Variants in TLN2 observed in about 807,000 individuals in gnomAD.
The protein encoded by TLN2 is talin-2.
In TLN2, 118 loss-of-function variants were observed where a neutral mutation model predicts 294.7. The observed-to-expected ratio is 0.40, with a 90% CI of 0.34 to 0.47. TLN2 has a LOEUF of 0.47. TLN2 is among the 20% of genes least tolerant of loss of function. The probability of loss-of-function intolerance (pLI) is 0.84; values close to 1 mark genes in which losing one functional copy is unlikely to be tolerated. For synonymous variants in TLN2, 1,431 were observed against 1,304.5 expected (o/e 1.10, Z -2.09); for missense variants, 3,083 against 3,282.2 (o/e 0.94, Z 1.48).
Position 62,755,542 on chromosome 15 carries a change from C to T in TLN2, c.4487C>T (p.Ala1496Val), listed in dbSNP as rs778436778. Residue 1496 changes from alanine (A) to valine (V), a missense_variant, in exon 37 of 59, where the codon GCC (alanine) becomes GTC (valine). By Grantham distance (64) the Ala-to-Val change is moderately conservative (BLOSUM62 0). Transcript: ENST00000636159. ...CTCCATGCTTTGTAGGTCCTGTCAG[C>T]CGCCACAATTGTTGCCAAGCACACG... ...PGSSPSQVLS[A>V]ATIVAKHTSA... 1 of 1,614,124 alleles carries T rather than the reference C, an allele frequency of 6.2e-7. No individual in the cohort carries two copies. Among genetic ancestry groups the T allele is most frequent in the Admixed American group, 1.7e-5 (1 of 60,032 alleles).
At chr15:62,831,468 ACAT>A (rs2068837214) in intron 54 of TLN2, 1 of 151,684 alleles carries the variant, frequency 6.6e-6, no homozygotes, top group African/African-American at 2.4e-5. Context: ...ATTAAAATAT[ACAT>A]TATTTATATA....
At chr15:62,698,904 G>T in intron 16 of TLN2, 37 bp downstream of exon 16, 1 of 1,584,004 alleles carries the variant, frequency 6.3e-7, no homozygotes, top group Non-Finnish European at 8.6e-7. Context: ...CCAAGTCTCT[G>T]CCCTGGCAGA....
intron 3 of TLN2, among the ~76,000 whole-genome samples, chr15:62,634,657 T>G (rs1015113525): frequency 2.6e-5 from 4 of 152,276 alleles, no homozygotes; most frequent in African/African-American, 9.6e-5. Context: ...ACTGATGAAA[T>G]TGGTAAGACT....
intron 1 of TLN2, among the ~76,000 whole-genome samples, chr15:62,514,328 T>G (rs1290809279): frequency 6.6e-6 from 1 of 152,208 alleles, no homozygotes; most frequent in Admixed American, 6.5e-5. Flanking sequence ...GGCAGTGAAG[T>G]ATAATTCTGT....
At chr15:62,772,198 C>T (rs1012681192) in intron 42 of TLN2, among the ~76,000 whole-genome samples, 2 of 152,128 alleles carry the variant, frequency 1.3e-5, no homozygotes, top group Non-Finnish European at 2.9e-5. Context: ...CTCGAGCAAT[C>T]CTCCCCATTT....
intron 28 of TLN2, among the ~76,000 whole-genome samples, chr15:62,735,145 A>C (rs1348725350): frequency 1.3e-5 from 2 of 152,194 alleles, no homozygotes; most frequent in African/African-American, 4.8e-5. Flanking sequence ...CTCTCTTGCC[A>C]CCTCTGGAAG....
chr15:62,456,318 G>A (rs754152906), intron 1 of TLN2, among the ~76,000 whole-genome samples: 9 of 152,158 alleles, frequency 5.9e-5, no homozygotes, highest in East Asian at 1.9e-4. Context: ...GGTGAAAAGC[G>A]TTTCATCGGC....
intron 17 of TLN2, among the ~76,000 whole-genome samples, chr15:62,701,559 C>T (rs544183717): frequency 6.6e-6 from 1 of 152,166 alleles, no homozygotes; most frequent in African/African-American, 2.4e-5. Context: ...AATGAACAGA[C>T]CTGTCATATG....
intron 1 of TLN2, among the ~76,000 whole-genome samples, chr15:62,553,430 A>G (rs1304583415): frequency 6.6e-6 from 1 of 152,174 alleles, no homozygotes; most frequent in Non-Finnish European, 1.5e-5. Context: ...GGTTGCGGCG[A>G]GCCGAGATCA....
chr15:62,644,755 T>C (rs934467380), intron 3 of TLN2: 1 of 365,316 alleles, frequency 2.7e-6, no homozygotes, highest in East Asian at 7.3e-5. Flanking sequence ...CCTTCTGAGC[T>C]CCAGTGTTAG....
chr15:62,590,799 C>G (rs1018441979), intron 2 of TLN2, among the ~76,000 whole-genome samples: 1 of 152,132 alleles, frequency 6.6e-6, no homozygotes, highest in Non-Finnish European at 1.5e-5. Flanking sequence ...TACTCGGTAG[C>G]TGTATCATGG....
intron 1 of TLN2, among the ~76,000 whole-genome samples, chr15:62,466,414 C>T (rs1339932037): frequency 5.9e-5 from 9 of 152,196 alleles, no homozygotes; most frequent in Admixed American, 3.3e-4. Context: ...GCCTGTGCAT[C>T]GTAGGGTGTT....
intron 4 of TLN2, among the ~76,000 whole-genome samples, chr15:62,647,838 G>A (rs997191545): frequency 6.6e-6 from 1 of 152,038 alleles, no homozygotes; most frequent in Non-Finnish European, 1.5e-5. Context: ...TGGAACCCAG[G>A]GCAGGTCTTA....
intron 11 of TLN2, among the ~76,000 whole-genome samples, chr15:62,677,481 C>A (rs1233520821): frequency 2.0e-5 from 3 of 152,024 alleles, no homozygotes; most frequent in Non-Finnish European, 4.4e-5. Flanking sequence ...AAGTTGAACA[C>A]CAAATTGTAG....
chr15:62,596,138 G>C, intron 2 of TLN2, among the ~76,000 whole-genome samples: 1 of 151,836 alleles, frequency 6.6e-6, no homozygotes, highest in Admixed American at 6.6e-5. Flanking sequence ...AGTGGCAGGC[G>C]CCTGTAGTCC....
At chr15:62,488,879 T>C (rs2038552504) in intron 1 of TLN2, among the ~76,000 whole-genome samples, 1 of 152,104 alleles carries the variant, frequency 6.6e-6, no homozygotes, top group Non-Finnish European at 1.5e-5. Context: ...TATATAAATA[T>C]AGGCCAGGCG....
chr15:62,828,421 C>G (rs917740287), intron 54 of TLN2: 1 of 152,228 alleles, frequency 6.6e-6, no homozygotes, highest in African/African-American at 2.4e-5. Context: ...GCAGAGGCAG[C>G]AACAAACACC....
intron 1 of TLN2, among the ~76,000 whole-genome samples, chr15:62,403,074 C>T (rs367668940): frequency 2.8e-4 from 43 of 152,242 alleles, no homozygotes; most frequent in African/African-American, 1.0e-3. Context: ...CCCGTCTCTA[C>T]TAAAAACACA....
intron 29 of TLN2, 35 bp downstream of exon 29, chr15:62,737,121 G>T: frequency 6.2e-7 from 1 of 1,609,752 alleles, no homozygotes; most frequent in Non-Finnish European, 8.5e-7. Context: ...GGTTGTCATG[G>T]TCATCATTAA....
Sources: allele counts gnomAD v4.1 joint callset (sites outside exome capture counted in the v4.1 genomes callset), GRCh38; gene constraint gnomAD v4.1.1; transcripts MANE v1.5; gene names NCBI Gene and HGNC (gene_info 2026-07-23, HGNC 2026-07-21).